CAMTA1: variants seen among roughly 807,000 people sequenced by gnomAD.
CAMTA1 encodes calmodulin-binding transcription activator 1.
CAMTA1 carries 27 observed loss-of-function variants against 170.9 expected under a neutral mutation model. That is an observed-to-expected ratio of 0.16 (90% CI 0.12 to 0.22). The LOEUF is 0.22. CAMTA1 is among the 10% of genes least tolerant of loss of function. CAMTA1 has a pLI of 1.00. For synonymous variants in CAMTA1, 833 were observed against 891.5 expected (o/e 0.93, Z 1.17); for missense variants, 1,619 against 2,217.2 (o/e 0.73, Z 5.42).
rs75363253 is a variant in CAMTA1, at chr1:7,728,614, C to T, written c.2915-3834C>T. 1.2e-3 allele frequency among the ~76,000 whole-genome samples: 189 copies of T among 152,320 alleles called. 4 individuals are homozygous for T. In the East Asian group the frequency reaches 0.031, roughly 25 times the overall value. On this transcript the variant is annotated intron_variant, in intron 11 of 22. Transcript: ENST00000303635. ...CAAGTCATTTCAATGGGATGCATAA[C>T]GATCTCCAAGTAGGTTCCGAGATCA...
intron 19 of CAMTA1, chr1:7,750,985 G>A (rs776024042): frequency 4.3e-6 from 3 of 690,884 alleles, no homozygotes; most frequent in East Asian, 2.7e-5. Context: ...AAAAATATAT[G>A]TCTGAAGGCA....
intron 3 of CAMTA1, among the ~76,000 whole-genome samples, chr1:6,953,099 A>G (rs1688794245): frequency 6.6e-6 from 1 of 152,144 alleles, no homozygotes; most frequent in African/African-American, 2.4e-5. Context: ...TCCCTCAGTT[A>G]TTAAATATTC....
intron 6 of CAMTA1, among the ~76,000 whole-genome samples, chr1:7,571,387 T>A (rs1466960257): frequency 6.6e-6 from 1 of 152,230 alleles, no homozygotes; most frequent in Non-Finnish European, 1.5e-5. Context: ...GTTATGTTGG[T>A]AAACTTGTGT....
intron 3 of CAMTA1, among the ~76,000 whole-genome samples, chr1:6,926,367 CCTTTCTCTTT>C (rs1683091977): frequency 6.8e-6 from 1 of 147,098 alleles, no homozygotes; most frequent in South Asian, 2.3e-4. Flanking sequence ...TCCCTTCCTT[CCTTTCTCTTT>C]CTTTCTCTGT....
At chr1:6,810,492 C>T (rs1334499007) in intron 1 of CAMTA1, among the ~76,000 whole-genome samples, 4 of 152,228 alleles carry the variant, frequency 2.6e-5, no homozygotes, top group Middle Eastern at 3.4e-3. Context: ...GCCCACACTC[C>T]GGGGGAGGGG....
rs117889488 is a variant in CAMTA1 at position 7,059,454 on chromosome 1, C to A, written c.235-31850C>A. On this transcript the variant is annotated intron_variant, in intron 3 of 22. Coordinates refer to ENST00000303635, the MANE Select transcript of CAMTA1 (RefSeq NM_015215.4). ...ACGATATACCGGGACCCCATCTCTA[C>A]AAAAGATTTTTAAAAATTAGCTGGG... 1.8e-3 allele frequency among the ~76,000 whole-genome samples: 271 copies of A among 152,098 alleles called. 8 individuals carry two copies. In the East Asian group the frequency reaches 0.048, roughly 27 times the overall value.
At chr1:7,255,802 C>T (rs1667283483) in intron 5 of CAMTA1, among the ~76,000 whole-genome samples, 1 of 152,216 alleles carries the variant, frequency 6.6e-6, no homozygotes. Context: ...TCCACAGTTA[C>T]ACTTCCTGCA....
chr1:6,907,778 G>A (rs1041176757), intron 3 of CAMTA1, among the ~76,000 whole-genome samples: 1 of 152,202 alleles, frequency 6.6e-6, no homozygotes, highest in African/African-American at 2.4e-5. Context: ...TGGCAGACCA[G>A]TCAGCCCTCG....
At chr1:7,054,256 G>A (rs1386368427) in intron 3 of CAMTA1, among the ~76,000 whole-genome samples, 1 of 152,206 alleles carries the variant, frequency 6.6e-6, no homozygotes, top group Non-Finnish European at 1.5e-5. Context: ...CTTGGGGACA[G>A]CTCATGTCCT....
chr1:7,428,453 T>G (rs2091981693), intron 5 of CAMTA1, among the ~76,000 whole-genome samples: 1 of 152,002 alleles, frequency 6.6e-6, no homozygotes, highest in African/African-American at 2.4e-5. Flanking sequence ...CATCAGGGAT[T>G]GTGTGGCTCT....
chr1:6,894,599 T>G (rs1675244254), intron 3 of CAMTA1, among the ~76,000 whole-genome samples: 1 of 152,264 alleles, frequency 6.6e-6, no homozygotes, highest in East Asian at 1.9e-4. Context: ...ACGGCTTCTT[T>G]CTGTTAAATG....
chr1:6,901,419 G>A (rs139380906), intron 3 of CAMTA1, among the ~76,000 whole-genome samples: 1 of 152,238 alleles, frequency 6.6e-6, no homozygotes, highest in African/African-American at 2.4e-5. Flanking sequence ...TCTTCAAAAG[G>A]TACTGTTTAG....
At chr1:7,689,719 G>T (rs761236697) in intron 11 of CAMTA1, among the ~76,000 whole-genome samples, 2 of 152,214 alleles carry the variant, frequency 1.3e-5, no homozygotes, top group Admixed American at 6.5e-5. Context: ...AAGAGCAGCT[G>T]CTGGCCCCAA....
chr1:6,785,468 T>G lies in CAMTA1; in HGVS notation c.-63T>G. 1 of 984,674 alleles carries G rather than the reference T, an allele frequency of 1.0e-6. No homozygotes were observed. The highest frequency in any genetic ancestry group is 1.2e-6 in the Non-Finnish European group (1 of 821,246). 61.0% of individuals were successfully genotyped at this position (984,674 alleles called of 1,614,324 possible). On this transcript the variant is annotated 5_prime_UTR_variant, in exon 1 of 23. Transcript: ENST00000303635. Reference sequence around the variant, plus strand: ...GGGTGCGCGGCGGCGGCGGGGTGGCTGGGCCGGCGGCGGCGGCGGTACGAG... The same window carrying G: ...GGGTGCGCGGCGGCGGCGGGGTGGCGGGGCCGGCGGCGGCGGCGGTACGAG...
At chr1:7,600,835 A>C (rs1039995448) in intron 6 of CAMTA1, among the ~76,000 whole-genome samples, 1 of 151,914 alleles carries the variant, frequency 6.6e-6, no homozygotes, top group Non-Finnish European at 1.5e-5. Flanking sequence ...AAGGCAGAAG[A>C]ATTTTTCTTA....
intron 4 of CAMTA1, among the ~76,000 whole-genome samples, chr1:7,141,092 C>T (rs1172092881): frequency 6.6e-6 from 1 of 152,196 alleles, no homozygotes; most frequent in Non-Finnish European, 1.5e-5. Flanking sequence ...CTCGGCCCCT[C>T]TGCAGGCCAA....
At chr1:7,486,695 C>T (rs192684177) in intron 6 of CAMTA1, among the ~76,000 whole-genome samples, 149 of 152,310 alleles carry the variant, frequency 9.8e-4, no homozygotes, top group African/African-American at 3.4e-3. Context: ...TCCGGGATGA[C>T]CCAAGTGCAT....
rs1204217594 is a variant in CAMTA1 at position 7,443,966 on chromosome 1, G to A, written c.439-23864G>A. Reference sequence around the variant, plus strand: ...TTGGGCTCAGACATTGTGATCCGTCGGTGAGCCATCGAGCCCCTCCTTCAG... The same window carrying A: ...TTGGGCTCAGACATTGTGATCCGTCAGTGAGCCATCGAGCCCCTCCTTCAG... On this transcript the variant is annotated intron_variant, in intron 5 of 22. Transcript: ENST00000303635. This position sits in a 1 kb window ranked among gnomAD's most constrained non-coding sequence, Gnocchi z 4.1. Among the ~76,000 whole-genome samples, 4 of 152,086 alleles carry A rather than the reference G, an allele frequency of 2.6e-5. No homozygotes were observed. Among genetic ancestry groups the A allele is most frequent in the Non-Finnish European group, 5.9e-5 (4 of 68,026 alleles).
intron 3 of CAMTA1, among the ~76,000 whole-genome samples, chr1:6,841,485 T>A (rs186700313): frequency 6.6e-6 from 1 of 151,962 alleles, no homozygotes; most frequent in Non-Finnish European, 1.5e-5. Flanking sequence ...GTGGTTCCAG[T>A]GGAGTGTTGG....
Sources: allele counts gnomAD v4.1 joint callset (sites outside exome capture counted in the v4.1 genomes callset), GRCh38; gene constraint gnomAD v4.1.1; non-coding constraint Gnocchi (gnomAD v3.1); transcripts MANE v1.5; gene names NCBI Gene and HGNC (gene_info 2026-07-23, HGNC 2026-07-21).